HNF4G: variants seen among roughly 807,000 people sequenced by gnomAD.
HNF4G encodes hepatocyte nuclear factor 4 gamma, also known as hepatocyte nuclear factor 4-gamma.
HNF4G carries 21 observed loss-of-function variants against 50.9 expected under a neutral mutation model. That is an observed-to-expected ratio of 0.41 (90% CI 0.29 to 0.59). HNF4G has a LOEUF of 0.59. Among genes scored for constraint, HNF4G ranks in the 20% least tolerant of loss-of-function variants. The pLI is 0.26. For missense variants in HNF4G, 527 were observed against 559.4 expected (o/e 0.94, Z 0.58); for synonymous variants, 198 against 185.6 (o/e 1.07, Z -0.54).
In HNF4G at chr8:75,423,815, C is replaced by CTTTTTTTTTTTTTTT. The variant is rs548125507; in HGVS notation, c.-144+15666_-144+15680dup. On this transcript the variant is annotated intron_variant, in intron 1 of 10. Transcript: ENST00000354370. ...TTGAAACTTTCTGCCAAGTTTCTTT[C>CTTTTTTTTTTTTTTT]TTTTTTTTTTTTTTTTTTTTTTTTT... 1.1e-4 allele frequency among the ~76,000 whole-genome samples: 8 copies of CTTTTTTTTTTTTTTT among 71,176 alleles called. 1 individual carries two copies. The highest frequency in any genetic ancestry group is 1.5e-4 in the Non-Finnish European group (6 of 40,528). The allele number at this position is 71,176 out of a possible 152,430, so 46.7% of individuals were successfully genotyped here. A position where few individuals can be genotyped will look rare whatever the true frequency, so the allele number is the denominator to read the frequency against.
chr8:75,492,213 C>T (rs2943598), intron 2 of HNF4G, among the ~76,000 whole-genome samples: 34,649 of 152,136 alleles, frequency 0.23, 5,150 homozygotes, highest in African/African-American at 0.42. Context: ...TGCCACCGCC[C>T]CACACTGATC....
At chr8:75,412,703 T>C (rs920469331) in intron 1 of HNF4G, among the ~76,000 whole-genome samples, 2 of 151,726 alleles carry the variant, frequency 1.3e-5, no homozygotes, top group Non-Finnish European at 1.5e-5. Flanking sequence ...CTGAAGATTA[T>C]GGACTGTGTT....
chr8:75,502,559 C>G (rs2926587), intron 2 of HNF4G, among the ~76,000 whole-genome samples: 42,662 of 152,038 alleles, frequency 0.28, 7,461 homozygotes, highest in African/African-American at 0.5. Context: ...ACTAAAACGC[C>G]TCATCCTGTA....
intron 2 of HNF4G, among the ~76,000 whole-genome samples, chr8:75,494,011 C>T (rs1812699810): frequency 1.3e-5 from 2 of 152,036 alleles, no homozygotes; most frequent in African/African-American, 4.8e-5. Context: ...TATCTCTGAG[C>T]AGCATTGTAT....
At chr8:75,502,620 C>A (rs1361940437) in intron 2 of HNF4G, among the ~76,000 whole-genome samples, 4 of 152,094 alleles carry the variant, frequency 2.6e-5, no homozygotes, top group African/African-American at 9.7e-5. Flanking sequence ...ACTACTCTTA[C>A]CATTCAGTTT....
chr8:75,495,982 T>C (rs1349450812), intron 2 of HNF4G, among the ~76,000 whole-genome samples: 2 of 152,176 alleles, frequency 1.3e-5, no homozygotes, highest in Non-Finnish European at 2.9e-5. Flanking sequence ...CAACAAAGTC[T>C]TTAAATTTTG....
chr8:75,526,217 C>T (rs1289227935), intron 2 of HNF4G, among the ~76,000 whole-genome samples: 1 of 151,960 alleles, frequency 6.6e-6, no homozygotes, highest in Non-Finnish European at 1.5e-5. Context: ...AAACCTCAAT[C>T]TCCCAGGCTC....
At chr8:75,431,686 G>T (rs978506079) in intron 1 of HNF4G, among the ~76,000 whole-genome samples, 1 of 152,050 alleles carries the variant, frequency 6.6e-6, no homozygotes, top group Admixed American at 6.5e-5. Context: ...CCAGCACTTT[G>T]GGAGGCTGAG....
intron 1 of HNF4G, among the ~76,000 whole-genome samples, chr8:75,437,597 C>G (rs559341601): frequency 2.6e-5 from 4 of 152,192 alleles, no homozygotes; most frequent in Admixed American, 2.6e-4. Flanking sequence ...AAGGCTTGAA[C>G]CCAGGAGGTG....
Position 75,540,125 on chromosome 8 carries a change from T to C in HNF4G, c.118+45T>C, listed in dbSNP as rs753127203. Reference sequence around the variant, plus strand: ...TAGATGTAAAGAAAAGTAAGTATAATTGGAGAAGGTGGAAGACTGAGCTTC... The same window carrying C: ...TAGATGTAAAGAAAAGTAAGTATAACTGGAGAAGGTGGAAGACTGAGCTTC... On this transcript the variant is annotated intron_variant, in intron 1 of 9. Transcript: ENST00000396423. 2.7e-6 allele frequency: 3 copies of C among 1,120,848 alleles called. No homozygotes were observed. In the East Asian group the frequency reaches 7.1e-5, roughly 27 times the overall value. The allele number at this position is 1,120,848 out of a possible 1,614,324, so 69.4% of individuals were successfully genotyped here. A position where few individuals can be genotyped will look rare whatever the true frequency, so the allele number is the denominator to read the frequency against.
At chr8:75,454,289 C>G (rs1811666215) in intron 1 of HNF4G, among the ~76,000 whole-genome samples, 1 of 152,082 alleles carries the variant, frequency 6.6e-6, no homozygotes, top group African/African-American at 2.4e-5. Context: ...GTTGTTTAAA[C>G]CATCCAGTCT....
intron 2 of HNF4G, among the ~76,000 whole-genome samples, chr8:75,531,784 T>C (rs1006253508): frequency 6.6e-6 from 1 of 152,138 alleles, no homozygotes; most frequent in Non-Finnish European, 1.5e-5. Flanking sequence ...GTGCATAGAT[T>C]ATATGCAAAT....
At chr8:75,408,721 C>G (rs973300638) in intron 1 of HNF4G, among the ~76,000 whole-genome samples, 1 of 152,194 alleles carries the variant, frequency 6.6e-6, no homozygotes, top group Non-Finnish European at 1.5e-5. Flanking sequence ...ACCTGATGAT[C>G]TGTGCTTATA....
intron 1 of HNF4G, among the ~76,000 whole-genome samples, chr8:75,426,859 A>G (rs1188206744): frequency 6.6e-6 from 1 of 152,200 alleles, no homozygotes; most frequent in Admixed American, 6.5e-5. Context: ...GGAGTATTAC[A>G]GTCGCTTGTT....
chr8:75,416,579 A>G (rs1295836321), intron 1 of HNF4G, among the ~76,000 whole-genome samples: 1 of 152,042 alleles, frequency 6.6e-6, no homozygotes, highest in African/African-American at 2.4e-5. Flanking sequence ...GGTAAAAATG[A>G]TTTTAATAGT....
intron 9 of HNF4G, 88 bp from the exon 10 acceptor site, chr8:75,563,887 G>A (rs548415777): frequency 2.4e-5 from 33 of 1,390,402 alleles, no homozygotes; most frequent in African/African-American, 2.3e-4. Context: ...TCCAAATTAC[G>A]CTAATGTGTA....
chr8:75,558,438 G>A (rs1807194891), intron 6 of HNF4G, 80 bp from the exon 7 acceptor site: 1 of 1,334,510 alleles, frequency 7.5e-7, no homozygotes. Flanking sequence ...ACACCGGTTT[G>A]TTAAATTTTA....
At chr8:75,542,362 A>G (rs1414602305) in intron 1 of HNF4G, among the ~76,000 whole-genome samples, 2 of 151,992 alleles carry the variant, frequency 1.3e-5, no homozygotes, top group African/African-American at 4.8e-5. Flanking sequence ...TGAAGGACAG[A>G]TGGGAGGTGA....
chr8:75,543,743 A>T, intron 1 of HNF4G, 68 bp from the exon 2 acceptor site: 1 of 1,325,012 alleles, frequency 7.5e-7, no homozygotes, highest in Non-Finnish European at 1.0e-6. Context: ...GCCTATAAAT[A>T]ATTAGTAGGA....
Sources: gnomAD v4.1 joint callset for allele counts (sites outside exome capture counted in the v4.1 genomes callset) on GRCh38, gnomAD v4.1.1 for gene constraint, MANE v1.5 for transcripts, NCBI Gene and HGNC (gene_info 2026-07-23, HGNC 2026-07-21) for gene names.